KAZN: variants seen among roughly 807,000 people sequenced by gnomAD.
KAZN encodes kazrin, periplakin interacting protein.
KAZN carries 40 observed loss-of-function variants against 87.4 expected under a neutral mutation model. That is an observed-to-expected ratio of 0.46 (90% CI 0.36 to 0.60). KAZN has a LOEUF of 0.60. Among genes scored for constraint, KAZN ranks in the 20% least tolerant of loss-of-function variants. The pLI is 0.00. For missense variants in KAZN, 898 were observed against 1,073.9 expected (o/e 0.84, Z 2.29); for synonymous variants, 466 against 458.3 (o/e 1.02, Z -0.22).
intron 1 of KAZN, among the ~76,000 whole-genome samples, chr1:14,953,199 G>C (rs889385582): frequency 3.3e-5 from 5 of 152,262 alleles, no homozygotes; most frequent in African/African-American, 1.2e-4. Flanking sequence ...TGTGTGGGGA[G>C]TGTCCCCAGT....
chr1:14,987,999 G>A (rs1666996372), intron 2 of KAZN, among the ~76,000 whole-genome samples: 1 of 152,220 alleles, frequency 6.6e-6, no homozygotes, highest in African/African-American at 2.4e-5. Flanking sequence ...AGTGAGGCCA[G>A]CTCTGGCCTG....
intron 1 of KAZN, among the ~76,000 whole-genome samples, chr1:14,761,673 C>T (rs1644742816): frequency 6.6e-6 from 1 of 152,204 alleles, no homozygotes; most frequent in South Asian, 2.1e-4. Flanking sequence ...CCTTTCTTCT[C>T]CTTCCCTGTC....
At chr1:14,858,833 C>T (rs1030897839) in intron 1 of KAZN, among the ~76,000 whole-genome samples, 1 of 152,196 alleles carries the variant, frequency 6.6e-6, no homozygotes, top group African/African-American at 2.4e-5. Flanking sequence ...AGTGAATATG[C>T]TGTAGAGATA....
intron 4 of KAZN, among the ~76,000 whole-genome samples, chr1:15,051,300 G>A (rs912308155): frequency 6.6e-6 from 1 of 152,224 alleles, no homozygotes; most frequent in Non-Finnish European, 1.5e-5. Context: ...GGAACCTCAG[G>A]CCCTCCTGGT....
Position 14,704,026 on chromosome 1 carries a change from C to T in KAZN, c.226+104803C>T, listed in dbSNP as rs373338647. ...GTCCAGGATTAGACAGACTCACCCA[C>T]CCAGCGTCAGCTCTTGGAGGAGCAA... is the stretch of plus-strand genomic sequence containing the variant. On this transcript the variant is annotated intron_variant, in intron 1 of 14. Coordinates refer to ENST00000376030, the MANE Select transcript of KAZN (RefSeq NM_201628.3). Among the ~76,000 whole-genome samples the T allele has an allele frequency of 9.2e-5, 14 of 152,358 alleles. No individual in the cohort carries two copies. The East Asian group carries it at 2.1e-3, about 23-fold the overall frequency.
intron 2 of KAZN, among the ~76,000 whole-genome samples, chr1:14,285,435 C>G (rs1056992479): frequency 6.6e-6 from 1 of 152,168 alleles, no homozygotes; most frequent in Non-Finnish European, 1.5e-5. Context: ...AACATCTGGC[C>G]CTGAGAACTG....
Position 15,104,530 on chromosome 1 carries a change from T to G in KAZN, c.2048+341T>G, listed in dbSNP as rs572991511. Among the ~76,000 whole-genome samples the G allele has an allele frequency of 8.7e-4, 132 of 152,252 alleles. 1 individual carries two copies. The highest frequency in any genetic ancestry group is 3.1e-3 in the African/African-American group (127 of 41,546). On this transcript the variant is annotated intron_variant, in intron 13 of 14. Transcript: ENST00000376030. ...CAGGTGGAGTGTAGCTGGGAGGACT[T>G]GCATTGGCCTAATAGGTTGAGTTGG...
At chr1:14,867,676 G>A (rs952434415) in intron 1 of KAZN, among the ~76,000 whole-genome samples, 8 of 151,862 alleles carry the variant, frequency 5.3e-5, no homozygotes, top group South Asian at 4.2e-4. Flanking sequence ...AGGTGCTTTT[G>A]CTAGGACTGT....
chr1:14,523,064 TC>T (rs1424047210), intron 2 of KAZN, among the ~76,000 whole-genome samples: 1 of 152,130 alleles, frequency 6.6e-6, no homozygotes, highest in Non-Finnish European at 1.5e-5. Flanking sequence ...ACACTCATCG[TC>T]CTAGTCTACT....
chr1:15,105,462 T>C (rs1641261908), intron 13 of KAZN, among the ~76,000 whole-genome samples: 2 of 152,222 alleles, frequency 1.3e-5, no homozygotes, highest in Non-Finnish European at 2.9e-5. Flanking sequence ...GTTGATCATA[T>C]AATTTTTATC....
chr1:14,398,765 G>C (rs936820267), intron 2 of KAZN, among the ~76,000 whole-genome samples: 1 of 152,220 alleles, frequency 6.6e-6, no homozygotes, highest in Non-Finnish European at 1.5e-5. Context: ...ACTGATGGGA[G>C]AGAGAATGGC....
At chr1:14,828,460 T>C (rs1646962038) in intron 1 of KAZN, among the ~76,000 whole-genome samples, 1 of 152,170 alleles carries the variant, frequency 6.6e-6, no homozygotes, top group South Asian at 2.1e-4. Flanking sequence ...CACTGGATAA[T>C]TAGATCCTTC....
At chr1:14,736,305 T>TG (rs1280744639) in intron 1 of KAZN, among the ~76,000 whole-genome samples, 1 of 130,450 alleles carries the variant, frequency 7.7e-6, no homozygotes, top group African/African-American at 3.3e-5. Flanking sequence ...GTGTGTATAT[T>TG]TTTTTTTTTT....
chr1:15,105,580 C>CTA (rs1641267062), intron 13 of KAZN, among the ~76,000 whole-genome samples: 1 of 151,714 alleles, frequency 6.6e-6, no homozygotes, highest in African/African-American at 2.4e-5. Context: ...TTTAATCAGC[C>CTA]TATCTAAAGG....
chr1:14,606,534 T>C (rs1266852954), intron 1 of KAZN, among the ~76,000 whole-genome samples: 1 of 152,110 alleles, frequency 6.6e-6, no homozygotes, highest in Non-Finnish European at 1.5e-5. Context: ...GTGTGTTTCA[T>C]CTCTCTTGGG....
intron 2 of KAZN, among the ~76,000 whole-genome samples, chr1:14,439,272 C>G (rs1666567807): frequency 6.6e-6 from 1 of 152,190 alleles, no homozygotes; most frequent in African/African-American, 2.4e-5. Context: ...CTATGTGATC[C>G]ATCAGCAAGT....
At chr1:14,851,526 G>A (rs533798517) in intron 1 of KAZN, among the ~76,000 whole-genome samples, 1 of 152,326 alleles carries the variant, frequency 6.6e-6, no homozygotes, top group Non-Finnish European at 1.5e-5. Context: ...AAGAACAAAG[G>A]CACCCCTCAT....
chr1:14,432,407 C>T (rs1444446886), intron 2 of KAZN, among the ~76,000 whole-genome samples: 1 of 152,194 alleles, frequency 6.6e-6, no homozygotes, highest in African/African-American at 2.4e-5. Context: ...ATTCAGTCCA[C>T]CCAGTCTCAC....
chr1:14,057,466 A>T (rs758694413), intron 1 of KAZN, among the ~76,000 whole-genome samples: 1 of 151,880 alleles, frequency 6.6e-6, no homozygotes, highest in Non-Finnish European at 1.5e-5. Flanking sequence ...ATGGACTAGA[A>T]CTCCTTTCAT....
Sources: allele counts gnomAD v4.1 joint callset (sites outside exome capture counted in the v4.1 genomes callset), GRCh38; gene constraint gnomAD v4.1.1; transcripts MANE v1.5; gene names NCBI Gene and HGNC (gene_info 2026-07-23, HGNC 2026-07-21).